PRELID2: variants seen among roughly 807,000 people sequenced by gnomAD.
PRELID2 encodes PRELI domain-containing protein 2.
A neutral mutation model predicts 28.4 loss-of-function variants in PRELID2; 25 were observed. The observed-to-expected ratio is 0.88, with a 90% CI of 0.64 to 1.23. PRELID2 has a LOEUF of 1.23. Ranked by LOEUF, PRELID2 falls within the 50% of genes most tolerant of loss-of-function variation. The pLI, the probability that PRELID2 is intolerant of heterozygous loss-of-function variation, is 0.00. For missense variants in PRELID2, 201 were observed against 214.4 expected, an observed-to-expected ratio of 0.94 and a Z score of 0.39; for synonymous variants, 76 against 71.6, an observed-to-expected ratio of 1.06 and a Z score of -0.31.
chr5:145,706,178 C>T (rs886783606), intron 1 of PRELID2, among the ~76,000 whole-genome samples: 2 of 152,218 alleles, frequency 1.3e-5, no homozygotes, highest in African/African-American at 4.8e-5. Flanking sequence ...AGTTGGAGTG[C>T]ACAACTCCAC....
At chr5:145,406,177 G>A in the PRELID2 span, among the ~76,000 whole-genome samples, 4 of 151,810 alleles carry the variant, frequency 2.6e-5, no homozygotes, top group African/African-American at 4.8e-5. Flanking sequence ...ATGAGATTTA[G>A]GGGGGGAAAC....
intron 1 of PRELID2, among the ~76,000 whole-genome samples, chr5:145,566,049 G>A (rs1202450908): frequency 1.3e-5 from 2 of 152,214 alleles, no homozygotes; most frequent in Non-Finnish European, 2.9e-5. Context: ...GTAGATCAGA[G>A]TGCTGTTACA....
chr5:145,537,530 A>G (rs943320610), intron 1 of PRELID2, among the ~76,000 whole-genome samples: 6 of 151,874 alleles, frequency 4.0e-5, no homozygotes, highest in African/African-American at 1.4e-4. Flanking sequence ...GGAACTAGGT[A>G]GTATCTTGTG....
At chr5:145,405,617 C>G in the PRELID2 span, among the ~76,000 whole-genome samples, 1 of 150,250 alleles carries the variant, frequency 6.7e-6, no homozygotes, top group Non-Finnish European at 1.5e-5. Context: ...AGCTTAGAAT[C>G]ATGGCAGAAA....
chr5:145,459,454 A>C, the PRELID2 span, among the ~76,000 whole-genome samples: 1 of 152,282 alleles, frequency 6.6e-6, no homozygotes, highest in Admixed American at 6.5e-5. Flanking sequence ...AAGTCAAAAA[A>C]AATAAATGTG....
rs1184523156 is a variant in PRELID2 at position 145,605,752 on chromosome 5, A to G, written n.71-132437T>C. Among the ~76,000 whole-genome samples, 5 of 151,996 alleles carry G rather than the reference A, an allele frequency of 3.3e-5. No homozygotes were observed. In the East Asian group the frequency reaches 9.6e-4, roughly 29 times the overall value. Reference sequence around the variant, plus strand: ...ATAATGGAAATAAATTTTTATACATATAATTTATATATATAAATTTGAAGA... The same window carrying G: ...ATAATGGAAATAAATTTTTATACATGTAATTTATATATATAAATTTGAAGA... On this transcript the variant is annotated intron_variant and non_coding_transcript_variant, in intron 1 of 2. Coordinates refer to the PRELID2 transcript ENST00000510259.
At chr5:145,834,977 G>C in intron 1 of PRELID2, 200 bp downstream of exon 1, 1 of 503,850 alleles carries the variant, frequency 2.0e-6, no homozygotes, top group Non-Finnish European at 3.6e-6. Context: ...GTGTGAACGT[G>C]ATGCCAAGCA....
At chr5:145,674,324 T>C (rs1175727813) in intron 1 of PRELID2, among the ~76,000 whole-genome samples, 2 of 141,762 alleles carry the variant, frequency 1.4e-5, no homozygotes, top group African/African-American at 2.5e-5. Flanking sequence ...CTCTACCCCA[T>C]GACAGGCCCG....
At chr5:145,590,787 T>C (rs553940524) in intron 1 of PRELID2, among the ~76,000 whole-genome samples, 95 of 152,122 alleles carry the variant, frequency 6.2e-4, no homozygotes, top group African/African-American at 2.1e-3. Flanking sequence ...TTATGTCCCA[T>C]CCCGAGGAAA....
intron 1 of PRELID2, among the ~76,000 whole-genome samples, chr5:145,639,116 T>C (rs1754051633): frequency 6.6e-6 from 1 of 152,244 alleles, no homozygotes; most frequent in Non-Finnish European, 1.5e-5. Context: ...ACTCTAGCTT[T>C]AGAAGACCAC....
chr5:145,733,819 T>C (rs752118203), intron 1 of PRELID2, among the ~76,000 whole-genome samples: 5 of 152,214 alleles, frequency 3.3e-5, no homozygotes, highest in Non-Finnish European at 5.9e-5. Flanking sequence ...CCTTGGAACC[T>C]GTGAGCCTTT....
intron 2 of PRELID2, among the ~76,000 whole-genome samples, chr5:145,822,702 G>A (rs1176076255): frequency 2.0e-5 from 3 of 152,152 alleles, no homozygotes; most frequent in Admixed American, 2.0e-4. Flanking sequence ...TAAATGAGTA[G>A]TCTAACACCT....
intron 1 of PRELID2, among the ~76,000 whole-genome samples, chr5:145,675,068 T>C (rs564321340): frequency 6.6e-6 from 1 of 152,210 alleles, no homozygotes; most frequent in South Asian, 2.1e-4. Context: ...TTAGATAAAC[T>C]TGACATACAA....
At chr5:145,773,878 G>A (rs950725443) in intron 5 of PRELID2, among the ~76,000 whole-genome samples, 5 of 152,158 alleles carry the variant, frequency 3.3e-5, no homozygotes, top group Non-Finnish European at 7.4e-5. Context: ...GAATCCAATT[G>A]ATGCTCAAAT....
intron 4 of PRELID2, among the ~76,000 whole-genome samples, chr5:145,806,205 A>C (rs1753495745): frequency 1.3e-5 from 2 of 151,796 alleles, no homozygotes; most frequent in African/African-American, 4.8e-5. Flanking sequence ...TAACTTTTTC[A>C]CTCTTTTGCA....
Position 145,497,786 on chromosome 5 carries a change from A to G in PRELID2, n.71-24471T>C, listed in dbSNP as rs17411097. Among the ~76,000 whole-genome samples, 1,142 of 152,340 alleles carry G rather than the reference A, an allele frequency of 7.5e-3. 8 individuals carry two copies. The highest frequency in any genetic ancestry group is 0.012 in the Non-Finnish European group (850 of 68,026). ...AGAGACTGTGCAGTTAATGAAAAAA[A>G]GGTTAGCAAGTGAACCTAATGCTGG... On this transcript the variant is annotated intron_variant and non_coding_transcript_variant, in intron 1 of 2. Coordinates refer to the PRELID2 transcript ENST00000510259.
At chr5:145,707,344 AC>A (rs1227076478) in intron 1 of PRELID2, among the ~76,000 whole-genome samples, 2 of 152,216 alleles carry the variant, frequency 1.3e-5, no homozygotes, top group African/African-American at 2.4e-5. Flanking sequence ...CAAGTGGCCA[AC>A]CTGCAAAAGG....
At chr5:145,554,200 G>A (rs184434003) in intron 1 of PRELID2, among the ~76,000 whole-genome samples, 112 of 152,238 alleles carry the variant, frequency 7.4e-4, no homozygotes, top group African/African-American at 2.6e-3. Context: ...GAGATGATGT[G>A]CCTGCCCAAC....
the PRELID2 span, among the ~76,000 whole-genome samples, chr5:145,301,225 T>C: frequency 6.6e-6 from 1 of 152,266 alleles, no homozygotes; most frequent in East Asian, 1.9e-4. Context: ...TTTTAATTTT[T>C]ATTTTCCTGA....
Sources: allele counts gnomAD v4.1 joint callset (sites outside exome capture counted in the v4.1 genomes callset), GRCh38; gene constraint gnomAD v4.1.1; transcripts MANE v1.5; gene names NCBI Gene and HGNC (gene_info 2026-07-23, HGNC 2026-07-21).